Variants in LENG8 observed in about 807,000 individuals in gnomAD.
LENG8 encodes leukocyte receptor cluster member 8.
In LENG8, 28 loss-of-function variants were observed where a neutral mutation model predicts 102.1. The observed-to-expected ratio is 0.27, with a 90% CI of 0.20 to 0.38. The LOEUF (loss-of-function observed/expected upper bound fraction) is 0.38. LENG8 is among the 10% of genes least tolerant of loss of function. LENG8 has a pLI of 1.00. For synonymous variants in LENG8, 531 were observed against 456.7 expected (o/e 1.16, Z -2.07); for missense variants, 1,022 against 1,113.9 (o/e 0.92, Z 1.17).
At chr19:54,449,388 T>C (rs1265358939) in intron 1 of LENG8, 78 bp downstream of exon 1, 1 of 152,172 alleles carries the variant, frequency 6.6e-6, no homozygotes, top group Non-Finnish European at 1.5e-5. Flanking sequence ...CCCCGAGGCC[T>C]TCTCGGCCGT....
chr19:54,459,509 G>A (rs1484048689), intron 15 of LENG8: 2 of 988,070 alleles, frequency 2.0e-6, no homozygotes, highest in Non-Finnish European at 1.2e-6. Flanking sequence ...GAGGCCTTGA[G>A]AGCCTGGCCA....
rs2084330551 is a variant in LENG8 at position 54,457,853 on chromosome 19, G to A, written c.1833+5G>A. The A allele has an allele frequency of 6.2e-7, 1 of 1,613,848 alleles. No homozygotes were observed. On this transcript the variant is annotated splice_donor_5th_base_variant and intron_variant, in intron 12 of 15. Coordinates refer to ENST00000326764, the MANE Select transcript of LENG8 (RefSeq NM_052925.4). ...TCGATCCGGCAGGATCTGACGGTGA[G>A]ACTCGCGCTGGGAGGGGCCTGGCCT...
chr19:54,460,738 T>A, intron 15 of LENG8, 28 bp from the exon 16 acceptor site: 6 of 198,724 alleles, frequency 3.0e-5, no homozygotes, highest in Non-Finnish European at 4.1e-5. Context: ...CCCGCCCGCC[T>A]CATCACCTTC....
In LENG8 at chr19:54,456,462, A is replaced by G. The variant is rs2084250208; in HGVS notation, c.1442A>G (p.Lys481Arg). 3.7e-6 allele frequency: 6 copies of G among 1,604,422 alleles called. No homozygotes were observed. Among genetic ancestry groups the G allele is most frequent in the Non-Finnish European group, 5.1e-6 (6 of 1,178,328 alleles). Residue 481 changes from lysine to arginine, a missense_variant, in exon 10 of 16, where the codon AAG becomes AGG. Lys to Arg is a conservative substitution (Grantham distance 26). Around this residue, in one of 7 missense-constraint regions of LENG8, gnomAD observed 326 missense variants for 324.5 expected, o/e 1.00. Transcript: ENST00000326764. ...GGCCGAGGCAGGGCGCAGCGTGGGA[A>G]GAGGTGAGACTGTGTGAGGGCTCGA... ...DRGRGRAQRG[K>R]RHDLAPTKRS...
chr19:54,452,809 C>A, intron 4 of LENG8, 57 bp downstream of exon 4: 1 of 1,295,056 alleles, frequency 7.7e-7, no homozygotes, highest in Non-Finnish European at 1.1e-6. Context: ...TGGGTCGGGG[C>A]GAGGTGAAGT....
intron 15 of LENG8, chr19:54,459,412 G>T: frequency 2.0e-6 from 2 of 991,426 alleles, no homozygotes; most frequent in Non-Finnish European, 2.4e-6. Flanking sequence ...TGGCCAGGTG[G>T]CCCTCCACGT....
chr19:54,458,444 A>C lies in LENG8; in HGVS notation c.2163A>C (p.Ala721=). The C allele has an allele frequency of 6.2e-7, 1 of 1,614,146 alleles. No homozygotes were observed. The highest frequency in any genetic ancestry group is 8.5e-7 in the Non-Finnish European group (1 of 1,180,028). Reference sequence around the variant, plus strand: ...GCTTTTTCCGGCTCTACTGCCATGCACCCTGCATGTCTGGCTACCTCGTGG... The same window carrying C: ...GCTTTTTCCGGCTCTACTGCCATGCCCCCTGCATGTCTGGCTACCTCGTGG... ...YHRFFRLYCH[A]PCMSGYLVDK... The change falls in exon 15 of 16, where the codon GCA becomes GCC. Residue 721 remains alanine (A), a synonymous_variant. Transcript: ENST00000326764.
rs193003875 is a variant in LENG8 at position 54,456,994 on chromosome 19, G to A, written c.1731+73G>A. ...AGGACTTGGGGAGCCAACCCAGGGAGGGTGGCAGAGGCCACACGGGGGCTC... is the reference window on the plus strand; with the variant it reads ...AGGACTTGGGGAGCCAACCCAGGGAAGGTGGCAGAGGCCACACGGGGGCTC... On this transcript the variant is annotated intron_variant, in intron 11 of 15. Transcript: ENST00000326764. 762 of 1,458,594 alleles carry A rather than the reference G, an allele frequency of 5.2e-4. 3 individuals are homozygous for A. The African/African-American group carries it at 9.8e-3, about 19-fold the overall frequency. 90.4% of individuals were successfully genotyped at this position (1,458,594 alleles called of 1,614,324 possible). A position where few individuals can be genotyped will look rare whatever the true frequency, so the allele number is the denominator to read the frequency against.
At chr19:54,451,791 A>G (rs1157693661) in intron 2 of LENG8, among the ~76,000 whole-genome samples, 1 of 152,128 alleles carries the variant, frequency 6.6e-6, no homozygotes, top group East Asian at 1.9e-4. Flanking sequence ...ACATAGCCCT[A>G]GGAGGTGCCA....
intron 15 of LENG8, chr19:54,460,168 C>A (rs891121712): frequency 7.8e-7 from 1 of 1,289,854 alleles, no homozygotes; most frequent in East Asian, 5.5e-5. Flanking sequence ...CTTAGTGCCC[C>A]TCACTCGGTG....
intron 11 of LENG8, 98 bp from the exon 12 acceptor site, chr19:54,457,648 TC>T: frequency 1.1e-6 from 1 of 888,176 alleles, no homozygotes; most frequent in Non-Finnish European, 1.9e-6. Flanking sequence ...GCCTTTTTTT[TC>T]TTTTTTTAAT....
Position 54,456,717 on chromosome 19 carries a change from G to A in LENG8, c.1527G>A (p.Lys509=). 1.2e-6 allele frequency: 2 copies of A among 1,612,962 alleles called. No homozygotes were observed. The part of the protein sequence containing the change: ...ECEDPERELK[K]QKRAARFQHG... ...AGGACCCGGAGCGAGAGCTGAAGAA[G>A]CAGAAGCGGGCAGCCCGCTTCCAGC... Residue 509 remains lysine, a synonymous_variant, in exon 11 of 16, where the codon AAG becomes AAA. Coordinates refer to ENST00000326764, the MANE Select transcript of LENG8 (RefSeq NM_052925.4).
Position 54,458,499 on chromosome 19 carries a change from G to A in LENG8, c.2218G>A (p.Ala740Thr), listed in dbSNP as rs2084367236. Reference protein sequence around the residue: ...DKFADRERKVALKAMIKTFRP... With the variant: ...DKFADRERKVTLKAMIKTFRP... ...GTTTGCAGATCGGGAGCGCAAGGTC[G>A]CCCTCAAGGCCATGATCAAAACGTA... The change falls in exon 15 of 16, where the codon GCC becomes ACC. Residue 740 changes from alanine (A) to threonine (T), a missense_variant. Transcript: ENST00000326764. The A allele has an allele frequency of 5.0e-6, 8 of 1,614,200 alleles. No individual in the cohort carries two copies. The highest frequency in any genetic ancestry group is 6.8e-6 in the Non-Finnish European group (8 of 1,180,040).
Position 54,452,220 on chromosome 19 carries a change from G to A in LENG8, c.166G>A (p.Gly56Ser), listed in dbSNP as rs150125716. 33 of 1,613,758 alleles carry A rather than the reference G, an allele frequency of 2.0e-5. No individual in the cohort carries two copies. The African/African-American group carries it at 4.1e-4, about 20-fold the overall frequency. The stretch of plus-strand genomic sequence containing the variant: ...CAGCATCAGCAAGTCAGGAGCTGCC[G>A]GCGGCTCTGCCAAGTCCAGCAGCAA... ...LASISKSGAA[G>S]GSAKSSSNGP... Residue 56 changes from glycine (G) to serine (S), a missense_variant, in exon 3 of 16, where the codon GGC (glycine) becomes AGC (serine). Gly to Ser is a moderately conservative substitution (Grantham distance 56). This residue lies in a region of LENG8 where 343 missense variants were observed against 320.2 expected (regional missense o/e 1.07). Transcript: ENST00000326764.
intron 1 of LENG8, among the ~76,000 whole-genome samples, chr19:54,450,372 T>C (rs1221254315): frequency 6.6e-6 from 1 of 152,168 alleles, no homozygotes; most frequent in Non-Finnish European, 1.5e-5. Flanking sequence ...ACGTTGGCAT[T>C]CTCAGGAACG....
At chr19:54,460,421 G>GCCCCGCCAT (rs2084471515) in intron 15 of LENG8, 4 of 1,248,710 alleles carry the variant, frequency 3.2e-6, no homozygotes, top group Admixed American at 3.5e-5. Flanking sequence ...GGCCCTGGCA[G>GCCCCGCCAT]CCCCGCCATC....
rs2123147637 is a variant in LENG8, at chr19:54,456,627, C to T, written c.1446-9C>T. 4.4e-6 allele frequency: 7 copies of T among 1,604,392 alleles called. No homozygotes were observed. The highest frequency in any genetic ancestry group is 2.2e-5 in the East Asian group (1 of 44,624). Reference sequence around the variant, plus strand: ...CCTGTCGCGCTCACTGCCCCTCATCCCTTCCTAGGCACGATCTGGCGCCCA... The same window carrying T: ...CCTGTCGCGCTCACTGCCCCTCATCTCTTCCTAGGCACGATCTGGCGCCCA... On this transcript the variant is annotated splice_polypyrimidine_tract_variant and intron_variant, in intron 10 of 15. Coordinates refer to ENST00000326764, the MANE Select transcript of LENG8 (RefSeq NM_052925.4).
rs368841946 is a variant in LENG8 at position 54,454,536 on chromosome 19, C to T, written c.533C>T (p.Thr178Met). 87 of 1,613,726 alleles carry T rather than the reference C, an allele frequency of 5.4e-5. No individual in the cohort carries two copies. Among genetic ancestry groups the T allele is most frequent in the South Asian group, 7.7e-5 (7 of 91,062 alleles). Residue 178 changes from threonine (T) to methionine (M), a missense_variant, in exon 6 of 16, where the codon ACG (threonine) becomes ATG (methionine). Around this residue, in one of 7 missense-constraint regions of LENG8, gnomAD observed 343 missense variants for 320.2 expected, o/e 1.07. Transcript: ENST00000326764. ...QPSNPPHGAH[T>M]LNSGPQPGTA... is the part of the protein sequence containing the mutation. ...TCAAATCCCCCACATGGGGCTCACA[C>T]GCTGAACAGTGGCCCTCAGCCTGGG...
rs758022862 is a variant in LENG8, at chr19:54,461,328, C to G, written c.*400C>G. 4.3e-6 allele frequency: 2 copies of G among 461,388 alleles called. No homozygotes were observed. The highest frequency in any genetic ancestry group is 3.1e-5 in the South Asian group (2 of 63,806). 28.6% of individuals were successfully genotyped at this position (461,388 alleles called of 1,614,324 possible). ...AGTGGAAAGAAGACAGGCCGTCCAG[C>G]CCGTGCCCGCCTGCGGCGGGGGCAC... On this transcript the variant is annotated 3_prime_UTR_variant, in exon 16 of 16. Transcript: ENST00000326764.
Sources: gnomAD v4.1 joint callset for allele counts (sites outside exome capture counted in the v4.1 genomes callset) on GRCh38, gnomAD v4.1.1 for gene constraint, gnomAD v4.1.1 regional missense constraint, MANE v1.5 for transcripts, NCBI Gene and HGNC (gene_info 2026-07-23, HGNC 2026-07-21) for gene names.